MAGI2: variants seen among roughly 807,000 people sequenced by gnomAD.
The protein encoded by MAGI2 is membrane associated guanylate kinase, WW and PDZ domain containing 2.
Under a neutral mutation model 133.3 loss-of-function variants are expected in MAGI2, and 35 were observed. That is an observed-to-expected ratio of 0.26 (90% CI 0.20 to 0.35). The LOEUF (loss-of-function observed/expected upper bound fraction) is 0.35. Among genes scored for constraint, MAGI2 ranks in the 10% least tolerant of loss-of-function variants. MAGI2 has a pLI of 1.00. For synonymous variants in MAGI2, 729 were observed against 710.6 expected, an observed-to-expected ratio of 1.03 and a Z score of -0.41; for missense variants, 1,636 against 1,863.4, an observed-to-expected ratio of 0.88 and a Z score of 2.25.
chr7:78,510,707 C>G (rs1294349300), intron 4 of MAGI2, among the ~76,000 whole-genome samples: 1 of 152,168 alleles, frequency 6.6e-6, no homozygotes, highest in Admixed American at 6.5e-5. Context: ...TCTTCAGAAA[C>G]CATGCATTCT....
At position 79,188,693 on chromosome 7, in the gene MAGI2, G is replaced by A. The variant is rs1585156318; in HGVS notation, c.302-181487C>T. On this transcript the variant is annotated intron_variant, in intron 1 of 21. Transcript: ENST00000354212. Reference sequence around the variant, plus strand: ...AAAGCGCTAATATTGTATGTAGTTGGAATTATCACCTTTCTTTTTATAAAG... The same window carrying A: ...AAAGCGCTAATATTGTATGTAGTTGAAATTATCACCTTTCTTTTTATAAAG... Among the ~76,000 whole-genome samples the A allele has an allele frequency of 2.6e-5, 4 of 151,816 alleles. No homozygotes were observed. The South Asian group carries it at 8.3e-4, about 32-fold the overall frequency.
At chr7:79,288,259 A>G (rs1028638065) in intron 1 of MAGI2, among the ~76,000 whole-genome samples, 2 of 152,154 alleles carry the variant, frequency 1.3e-5, no homozygotes, top group Non-Finnish European at 2.9e-5. Context: ...GAGAATGGGA[A>G]TTATAATAGT....
chr7:79,186,228 A>ATATATATATATATT (rs1827112929), intron 1 of MAGI2, among the ~76,000 whole-genome samples: 1 of 114,428 alleles, frequency 8.7e-6, no homozygotes, highest in Admixed American at 8.8e-5. Context: ...ATATATATAT[A>ATATATATATATATT]TATATATATA....
chr7:78,124,814 T>C (rs1215151484), intron 20 of MAGI2, among the ~76,000 whole-genome samples: 1 of 151,662 alleles, frequency 6.6e-6, no homozygotes, highest in African/African-American at 2.4e-5. Context: ...AATTATTAAA[T>C]GAAAAAATCT....
At chr7:79,433,299 C>T (rs1486241721) in intron 1 of MAGI2, among the ~76,000 whole-genome samples, 2 of 152,044 alleles carry the variant, frequency 1.3e-5, no homozygotes, top group Non-Finnish European at 2.9e-5. Flanking sequence ...GGCCTGTAAT[C>T]CCAGCACTTT....
At chr7:79,067,471 C>T (rs1395194880) in intron 1 of MAGI2, among the ~76,000 whole-genome samples, 2 of 152,192 alleles carry the variant, frequency 1.3e-5, no homozygotes, top group African/African-American at 4.8e-5. Flanking sequence ...CGAGACTTTG[C>T]TGAAGTTGCT....
chr7:78,195,745 C>T (rs1469623775), intron 11 of MAGI2, among the ~76,000 whole-genome samples: 1 of 152,172 alleles, frequency 6.6e-6, no homozygotes, highest in Non-Finnish European at 1.5e-5. Context: ...CTTTCACATA[C>T]GTGATCTTCT....
At chr7:79,304,584 T>A (rs1284311017) in intron 1 of MAGI2, among the ~76,000 whole-genome samples, 1 of 151,838 alleles carries the variant, frequency 6.6e-6, no homozygotes, top group African/African-American at 2.4e-5. Flanking sequence ...GTAGATAAGC[T>A]GAAAACTTCC....
At chr7:79,005,746 G>A (rs544808972) in intron 2 of MAGI2, among the ~76,000 whole-genome samples, 4 of 152,130 alleles carry the variant, frequency 2.6e-5, no homozygotes, top group South Asian at 2.1e-4. Context: ...GCGTCCACCC[G>A]TTACCTTATA....
At chr7:78,938,655 G>C (rs187339914) in intron 2 of MAGI2, among the ~76,000 whole-genome samples, 2 of 152,062 alleles carry the variant, frequency 1.3e-5, no homozygotes, top group Non-Finnish European at 2.9e-5. Flanking sequence ...CCAAGACTGG[G>C]CTACTTAGAT....
chr7:79,348,876 T>TTTCTC (rs1300160869), intron 1 of MAGI2, among the ~76,000 whole-genome samples: 1 of 151,940 alleles, frequency 6.6e-6, no homozygotes, highest in Non-Finnish European at 1.5e-5. Flanking sequence ...TCTCTTCTCT[T>TTTCTC]TTAGAAAAAA....
chr7:78,327,851 G>T (rs935874108), intron 9 of MAGI2, among the ~76,000 whole-genome samples: 34 of 152,118 alleles, frequency 2.2e-4, no homozygotes, highest in Admixed American at 2.0e-4. Flanking sequence ...CTGGACTTCT[G>T]ACTCAGGGCT....
intron 6 of MAGI2, among the ~76,000 whole-genome samples, chr7:78,402,254 G>T (rs1167393188): frequency 8.8e-5 from 13 of 147,300 alleles, no homozygotes; most frequent in African/African-American, 2.8e-4. Flanking sequence ...CTACCTGGGG[G>T]GTGTGTGCGT....
chr7:78,753,666 A>C (rs950923630), intron 2 of MAGI2, among the ~76,000 whole-genome samples: 5 of 151,990 alleles, frequency 3.3e-5, no homozygotes, highest in Non-Finnish European at 7.4e-5. Flanking sequence ...GATTACAACT[A>C]GTTACGGATT....
chr7:78,398,400 G>A (rs1448430574), intron 6 of MAGI2, among the ~76,000 whole-genome samples: 1 of 151,862 alleles, frequency 6.6e-6, no homozygotes. Context: ...TGCTAACTAC[G>A]AGTCTACCGT....
At chr7:78,670,777 G>A (rs1184498677) in intron 2 of MAGI2, among the ~76,000 whole-genome samples, 1 of 151,862 alleles carries the variant, frequency 6.6e-6, no homozygotes, top group Non-Finnish European at 1.5e-5. Flanking sequence ...TTTAACACAA[G>A]TTTGAAAAAG....
intron 7 of MAGI2, among the ~76,000 whole-genome samples, chr7:78,362,894 C>T (rs534503730): frequency 1.3e-5 from 2 of 152,118 alleles, no homozygotes; most frequent in Non-Finnish European, 2.9e-5. Flanking sequence ...AGCATCGCTT[C>T]GACCTTATCA....
At chr7:78,105,388 T>C (rs1818582636) in intron 20 of MAGI2, among the ~76,000 whole-genome samples, 1 of 152,162 alleles carries the variant, frequency 6.6e-6, no homozygotes, top group African/African-American at 2.4e-5. Flanking sequence ...ATTTGATAGG[T>C]CCTGGGGTCT....
intron 2 of MAGI2, among the ~76,000 whole-genome samples, chr7:78,890,121 A>C (rs1486492988): frequency 6.6e-6 from 1 of 152,206 alleles, no homozygotes; most frequent in Non-Finnish European, 1.5e-5. Context: ...AAATCAAAAG[A>C]GACAAAGAAG....
Sources: gnomAD v4.1 joint callset for allele counts (sites outside exome capture counted in the v4.1 genomes callset) on GRCh38, gnomAD v4.1.1 for gene constraint, MANE v1.5 for transcripts, NCBI Gene and HGNC (gene_info 2026-07-23, HGNC 2026-07-21) for gene names.